The following PACRG variants were observed in gnomAD, a reference collection of about 807,000 sequenced individuals.
PACRG encodes parkin coregulated.
In PACRG, 29 loss-of-function variants were observed where a neutral mutation model predicts 29.7. That is an observed-to-expected ratio of 0.98 (90% CI 0.73 to 1.33). The LOEUF is 1.33. Ranked by LOEUF, PACRG falls within the 40% of genes most tolerant of loss-of-function variation. The pLI is 0.00. For missense variants in PACRG, 279 were observed against 316.2 expected (o/e 0.88, Z 0.89); for synonymous variants, 116 against 118.7 (o/e 0.98, Z 0.15).
intron 4 of PACRG, among the ~76,000 whole-genome samples, chr6:163,123,375 A>C (rs1816383130): frequency 6.6e-6 from 1 of 152,248 alleles, no homozygotes; most frequent in Non-Finnish European, 1.5e-5. Flanking sequence ...GCTGGCATTT[A>C]CATATCAATG....
intron 1 of PACRG, among the ~76,000 whole-genome samples, chr6:162,769,112 A>G (rs1783017285): frequency 6.6e-6 from 1 of 152,136 alleles, no homozygotes; most frequent in Non-Finnish European, 1.5e-5. Flanking sequence ...GTCACATCAC[A>G]AACAGTAAAA....
At chr6:162,854,958 A>T (rs973670767) in intron 2 of PACRG, among the ~76,000 whole-genome samples, 3 of 152,236 alleles carry the variant, frequency 2.0e-5, no homozygotes, top group African/African-American at 7.2e-5. Flanking sequence ...CGCTCTTCCT[A>T]GAGCAGCCGC....
intron 4 of PACRG, among the ~76,000 whole-genome samples, chr6:163,201,618 T>G (rs1489915589): frequency 1.3e-5 from 2 of 152,178 alleles, no homozygotes; most frequent in African/African-American, 4.8e-5. Context: ...CAGCTACAGG[T>G]GTCTGGGGAG....
At chr6:162,921,479 G>A (rs76671504) in intron 2 of PACRG, among the ~76,000 whole-genome samples, 4,769 of 152,214 alleles carry the variant, frequency 0.031, 249 homozygotes, top group African/African-American at 0.11. Context: ...GGGGTGTTTT[G>A]CTTCCTCTTC....
chr6:163,309,651 A>T (rs1019173953), intron 4 of PACRG, among the ~76,000 whole-genome samples: 1 of 152,172 alleles, frequency 6.6e-6, no homozygotes, highest in African/African-American at 2.4e-5. Context: ...TTTTTAATGG[A>T]GTTTCCCAAG....
chr6:163,264,429 C>A (rs1358223789), intron 4 of PACRG, among the ~76,000 whole-genome samples: 1 of 152,208 alleles, frequency 6.6e-6, no homozygotes, highest in African/African-American at 2.4e-5. Flanking sequence ...CACTGTGCTG[C>A]TGGAGACAAA....
chr6:163,079,857 T>G (rs1812907344), intron 3 of PACRG, among the ~76,000 whole-genome samples: 1 of 151,452 alleles, frequency 6.6e-6, no homozygotes, highest in Non-Finnish European at 1.5e-5. Context: ...TAGACACCTT[T>G]TCTCAACCAG....
At chr6:162,900,221 G>C (rs1259503840) in intron 2 of PACRG, among the ~76,000 whole-genome samples, 1 of 152,054 alleles carries the variant, frequency 6.6e-6, no homozygotes, top group Non-Finnish European at 1.5e-5. Context: ...CAATGCTCAC[G>C]GATGTCACGC....
chr6:162,964,111 A>G (rs559090641), intron 2 of PACRG, among the ~76,000 whole-genome samples: 59 of 152,316 alleles, frequency 3.9e-4, no homozygotes, highest in African/African-American at 1.3e-3. Flanking sequence ...GGAATACAAC[A>G]CCGTGAAAGC....
At chr6:162,773,596 G>C (rs71567667) in intron 1 of PACRG, among the ~76,000 whole-genome samples, 1 of 132,750 alleles carries the variant, frequency 7.5e-6, no homozygotes, top group Non-Finnish European at 1.5e-5. Context: ...CTCACTGCAA[G>C]CTCCGCTTCC....
chr6:162,844,551 G>A lies in PACRG; in HGVS notation c.291+30270G>A, dbSNP rs574067012. On this transcript the variant is annotated intron_variant, in intron 2 of 4. Coordinates refer to ENST00000366888, the MANE Select transcript of PACRG (RefSeq NM_001080379.2). ...TCCGATGGAAATGCAGAAATCACCC[G>A]TCTTCTGCGTCGCTCACGCTGGGAG... 8.5e-5 allele frequency among the ~76,000 whole-genome samples: 13 copies of A among 152,324 alleles called. No homozygotes were observed. In the East Asian group the frequency reaches 9.6e-4, roughly 11 times the overall value.
chr6:163,151,269 T>C (rs1778078893), intron 4 of PACRG, among the ~76,000 whole-genome samples: 1 of 152,210 alleles, frequency 6.6e-6, no homozygotes, highest in Admixed American at 6.5e-5. Flanking sequence ...GTTGTTGTTT[T>C]TAATTCCTTG....
At chr6:162,802,968 G>C (rs1238061433) in intron 1 of PACRG, among the ~76,000 whole-genome samples, 2 of 152,054 alleles carry the variant, frequency 1.3e-5, no homozygotes, top group Non-Finnish European at 2.9e-5. Flanking sequence ...TTTGGGAAAA[G>C]TTGCCCGTTT....
chr6:163,019,384 T>C (rs1366978400), intron 2 of PACRG, among the ~76,000 whole-genome samples: 2 of 152,176 alleles, frequency 1.3e-5, no homozygotes, highest in Non-Finnish European at 2.9e-5. Context: ...TCCCTCCTTT[T>C]AGCTGGATTT....
chr6:163,197,616 T>A (rs1403894566), intron 4 of PACRG, among the ~76,000 whole-genome samples: 1 of 151,666 alleles, frequency 6.6e-6, no homozygotes, highest in African/African-American at 2.4e-5. Context: ...GCTAATTTTT[T>A]TTTTTCGTGT....
intron 2 of PACRG, among the ~76,000 whole-genome samples, chr6:162,914,594 T>C (rs1208215083): frequency 2.8e-5 from 4 of 140,870 alleles, no homozygotes; most frequent in Non-Finnish European, 6.3e-5. Context: ...ACTTGCCCAT[T>C]TTTACCAAAA....
At chr6:162,957,220 A>G (rs1244987505) in intron 2 of PACRG, 3 of 416,766 alleles carry the variant, frequency 7.2e-6, no homozygotes, top group Non-Finnish European at 1.4e-5. Context: ...TATGCCTTCA[A>G]CACTTTCACA....
Position 163,228,372 on chromosome 6 carries a change from A to G in PACRG, c.614-86455A>G, listed in dbSNP as rs971709579. 2.9e-5 allele frequency among the ~76,000 whole-genome samples: 3 copies of G among 104,730 alleles called. No individual in the cohort carries two copies. The East Asian group carries it at 1.0e-3, about 35-fold the overall frequency. The allele number at this position is 104,730 out of a possible 152,430, so 68.7% of individuals were successfully genotyped here. A position where few individuals can be genotyped will look rare whatever the true frequency, so the allele number is the denominator to read the frequency against. ...AGGCAGATAAGCTTTGGAAATCTTT[A>G]AGCAGGCAAAAAAAAAAAAAAAAAA... On this transcript the variant is annotated intron_variant, in intron 4 of 4. Transcript: ENST00000366888.
rs549102121 is a variant in PACRG, at chr6:163,058,263, G to A, written c.292-3887G>A. Among the ~76,000 whole-genome samples the A allele has an allele frequency of 7.2e-4, 109 of 152,212 alleles. 1 individual carries two copies. Among genetic ancestry groups the A allele is most frequent in the African/African-American group, 2.6e-3 (106 of 41,542 alleles). ...CTTGGAACTGCCATCCACAAGCCCTGCAGCTCTTTGTCCGTCAGGTGAGAG... is the reference window on the plus strand; with the variant it reads ...CTTGGAACTGCCATCCACAAGCCCTACAGCTCTTTGTCCGTCAGGTGAGAG... On this transcript the variant is annotated intron_variant, in intron 2 of 4. Transcript: ENST00000366888.
Sources: gnomAD v4.1 joint callset for allele counts (sites outside exome capture counted in the v4.1 genomes callset) on GRCh38, gnomAD v4.1.1 for gene constraint, MANE v1.5 for transcripts, NCBI Gene and HGNC (gene_info 2026-07-23, HGNC 2026-07-21) for gene names.